RNF13: variants seen among roughly 807,000 people sequenced by gnomAD.
The protein encoded by RNF13 is E3 ubiquitin-protein ligase RNF13.
In RNF13, 19 loss-of-function variants were observed where a neutral mutation model predicts 37.7. That is an observed-to-expected ratio of 0.50 (90% CI 0.35 to 0.74). The LOEUF (loss-of-function observed/expected upper bound fraction) is 0.74, where lower values mean the gene tolerates loss of function less well. Ranked by LOEUF, RNF13 falls within the 30% of genes least tolerant of loss-of-function variation. The pLI, the probability that RNF13 is intolerant of heterozygous loss-of-function variation, is 0.01. For synonymous variants in RNF13, 144 were observed against 157.8 expected, an observed-to-expected ratio of 0.91 and a Z score of 0.65; for missense variants, 375 against 453.0, an observed-to-expected ratio of 0.83 and a Z score of 1.56.
intron 8 of RNF13, among the ~76,000 whole-genome samples, chr3:149,926,509 C>T (rs1718671918): frequency 6.6e-6 from 1 of 152,144 alleles, no homozygotes. Context: ...CATGCCCAGC[C>T]TCTTCTGTGT....
chr3:149,860,623 G>A (rs1262340873), intron 3 of RNF13, among the ~76,000 whole-genome samples: 1 of 151,982 alleles, frequency 6.6e-6, no homozygotes. Context: ...ATCAACTCAA[G>A]ATGGATTAAA....
chr3:149,944,495 T>C (rs1433139094), intron 8 of RNF13, among the ~76,000 whole-genome samples: 3 of 152,220 alleles, frequency 2.0e-5, no homozygotes, highest in Non-Finnish European at 4.4e-5. Context: ...TCCTGACTTT[T>C]TAATGATCGC....
intron 1 of RNF13, 132 bp from the exon 2 acceptor site, chr3:149,845,879 G>A (rs1722595278): frequency 1.8e-6 from 1 of 556,316 alleles, no homozygotes; most frequent in Admixed American, 3.4e-5. Context: ...TGAAATAAAA[G>A]CTTTACTTTT....
intron 8 of RNF13, among the ~76,000 whole-genome samples, chr3:149,943,295 G>C (rs550948231): frequency 6.6e-6 from 1 of 151,314 alleles, no homozygotes; most frequent in East Asian, 1.9e-4. Context: ...AATGTACTGA[G>C]ATATCCCAAT....
intron 5 of RNF13, among the ~76,000 whole-genome samples, chr3:149,896,966 T>G (rs898311763): frequency 6.6e-6 from 1 of 152,212 alleles, no homozygotes; most frequent in Admixed American, 6.5e-5. Context: ...AGGAATAGTT[T>G]GACAGCTACT....
At chr3:149,879,307 A>AT (rs3028508) in intron 4 of RNF13, among the ~76,000 whole-genome samples, 102,923 of 137,466 alleles carry the variant, frequency 0.75, 38,731 homozygotes, top group East Asian at 0.88. Flanking sequence ...TTATCAGGTA[A>AT]TTTTTTTTTT....
At position 149,942,177 on chromosome 3, in the gene RNF13, T is replaced by C. The variant is rs1470599106; in HGVS notation, c.701-17879T>C. 2.0e-5 allele frequency among the ~76,000 whole-genome samples: 3 copies of C among 152,146 alleles called. No individual in the cohort carries two copies. The East Asian group carries it at 5.8e-4, about 29-fold the overall frequency. The stretch of plus-strand genomic sequence containing the variant: ...TCCAATTTTGTTCTTTTCAAGATTG[T>C]TTTGGCTATTCATAGTCCCTTGAGA... On this transcript the variant is annotated intron_variant, in intron 8 of 9. Transcript: ENST00000392894.
intron 1 of RNF13, among the ~76,000 whole-genome samples, chr3:149,823,023 G>T (rs1720143145): frequency 6.6e-6 from 1 of 152,020 alleles, no homozygotes; most frequent in South Asian, 2.1e-4. Context: ...TTAAAGAAAT[G>T]CAAATTTATG....
At chr3:149,868,786 C>T (rs537648257) in intron 3 of RNF13, among the ~76,000 whole-genome samples, 1 of 151,776 alleles carries the variant, frequency 6.6e-6, no homozygotes, top group East Asian at 1.9e-4. Context: ...TCTCTTTGTC[C>T]TTGACCTTTG....
At chr3:149,825,315 C>G (rs10935779) in intron 1 of RNF13, among the ~76,000 whole-genome samples, 3 of 151,840 alleles carry the variant, frequency 2.0e-5, no homozygotes, top group African/African-American at 7.3e-5. Flanking sequence ...TTACAGGCAC[C>G]ACCACGCCTG....
rs1435493447 is a variant in RNF13 at position 149,816,516 on chromosome 3, GC to G, written c.-17+3165del. Among the ~76,000 whole-genome samples the G allele has an allele frequency of 2.5e-4, 38 of 149,300 alleles. 1 individual carries two copies. The highest frequency in any genetic ancestry group is 1.1e-3 in the South Asian group (5 of 4,746). On this transcript the variant is annotated intron_variant, in intron 1 of 9. Coordinates refer to ENST00000392894, the MANE Select transcript of RNF13 (RefSeq NM_183381.3). ...TATGTTTAGTAAATTATATGCCTTAGCCTTTTTTTTTTTTTCATTGAGGATG... is the reference window on the plus strand; with the variant it reads ...TATGTTTAGTAAATTATATGCCTTAGCTTTTTTTTTTTTTCATTGAGGATG...
At chr3:149,926,885 T>C (rs1018307541) in intron 8 of RNF13, among the ~76,000 whole-genome samples, 1 of 152,220 alleles carries the variant, frequency 6.6e-6, no homozygotes, top group Non-Finnish European at 1.5e-5. Context: ...CTTTGTTTTT[T>C]TTCAATAGTG....
chr3:149,876,534 CCT>C (rs1320468459), intron 4 of RNF13, among the ~76,000 whole-genome samples: 1 of 151,972 alleles, frequency 6.6e-6, no homozygotes, highest in African/African-American at 2.4e-5. Context: ...CTGACTTCTG[CCT>C]CTCTCTCAAG....
At chr3:149,819,481 A>AT (rs1169830378) in intron 1 of RNF13, among the ~76,000 whole-genome samples, 1 of 152,182 alleles carries the variant, frequency 6.6e-6, no homozygotes, top group East Asian at 1.9e-4. Context: ...CTTGCCTCTG[A>AT]TATTGTGCTA....
At chr3:149,921,523 C>T (rs762238534) in intron 8 of RNF13, among the ~76,000 whole-genome samples, 6 of 152,238 alleles carry the variant, frequency 3.9e-5, no homozygotes, top group Non-Finnish European at 8.8e-5. Flanking sequence ...CATTGTTCAC[C>T]TTCCACTTAT....
chr3:149,921,148 C>T lies in RNF13; in HGVS notation c.621C>T (p.Val207=). 1.5e-6 allele frequency: 2 copies of T among 1,373,640 alleles called. No individual in the cohort carries two copies. Among genetic ancestry groups the T allele is most frequent in the Non-Finnish European group, 1.9e-6 (2 of 1,043,088 alleles). The allele number at this position is 1,373,640 out of a possible 1,614,324, so 85.1% of individuals were successfully genotyped here. ...TTTATTTTTAGATCACAAAATTTGTCCAGGATAGACATAGAGCTAGAAGAA... is the reference window on the plus strand; with the variant it reads ...TTTATTTTTAGATCACAAAATTTGTTCAGGATAGACATAGAGCTAGAAGAA... ...LIVIFMITKF[V]QDRHRARRNR... is the part of the protein sequence containing the mutation. Residue 207 remains valine, a synonymous_variant, in exon 8 of 10, where the codon GTC becomes GTT. Transcript: ENST00000392894.
In RNF13 at chr3:149,872,094, C is replaced by T. The variant is rs1199157917; in HGVS notation, c.261C>T (p.Asp87=). The T allele has an allele frequency of 6.2e-7, 1 of 1,604,220 alleles. No homozygotes were observed. Among genetic ancestry groups the T allele is most frequent in the Admixed American group, 1.7e-5 (1 of 58,742 alleles). ...CCATAGTGCCTCCACCAGTAAAAGA[C>T]AATTCATCTGGCACTTTCATCGTGT... The part of the protein sequence containing the change: ...CEPIVPPPVK[D]NSSGTFIVLI... The change falls in exon 4 of 10, where the codon GAC becomes GAT. Residue 87 remains aspartate (D), a synonymous_variant. Transcript: ENST00000392894.
chr3:149,871,085 A>T (rs1711995036), intron 3 of RNF13, among the ~76,000 whole-genome samples: 1 of 135,276 alleles, frequency 7.4e-6, no homozygotes. Flanking sequence ...TCTATCGCCC[A>T]GGCTGGAGTG....
chr3:149,813,695 G>C (rs1357007305), intron 1 of RNF13: 1 of 152,196 alleles, frequency 6.6e-6, no homozygotes, highest in African/African-American at 2.4e-5. Flanking sequence ...CTGCCGCAAC[G>C]TCCTCGGGCA....
Sources: allele counts gnomAD v4.1 joint callset (sites outside exome capture counted in the v4.1 genomes callset), GRCh38; gene constraint gnomAD v4.1.1; transcripts MANE v1.5; gene names NCBI Gene and HGNC (gene_info 2026-07-23, HGNC 2026-07-21).